The following PRKCQ variants were observed in gnomAD, a reference collection of about 807,000 sequenced individuals.
PRKCQ encodes protein kinase C theta.
A neutral mutation model predicts 91.2 loss-of-function variants in PRKCQ; 41 were observed. That is an observed-to-expected ratio of 0.45 (90% CI 0.35 to 0.58). The LOEUF (loss-of-function observed/expected upper bound fraction) is 0.58, where lower values mean the gene tolerates loss of function less well. Among genes scored for constraint, PRKCQ ranks in the 20% least tolerant of loss-of-function variants. The probability of loss-of-function intolerance (pLI) is 0.00; values close to 1 mark genes in which losing one functional copy is unlikely to be tolerated. For synonymous variants in PRKCQ, 307 were observed against 316.9 expected (o/e 0.97, Z 0.33); for missense variants, 673 against 896.5 (o/e 0.75, Z 3.18).
intron 11 of PRKCQ, among the ~76,000 whole-genome samples, chr10:6,481,214 T>C (rs901576759): frequency 6.6e-6 from 1 of 152,208 alleles, no homozygotes; most frequent in Non-Finnish European, 1.5e-5. Flanking sequence ...CTAAGGCTTG[T>C]AGGTTTAACT....
chr10:6,459,076 T>C (rs574052231), intron 14 of PRKCQ, among the ~76,000 whole-genome samples: 2 of 152,312 alleles, frequency 1.3e-5, no homozygotes, highest in Admixed American at 1.3e-4. Context: ...ACCTGTTGAA[T>C]ATTCCTCCAT....
At chr10:6,503,104 T>A (rs976595062) in intron 4 of PRKCQ, among the ~76,000 whole-genome samples, 1 of 152,156 alleles carries the variant, frequency 6.6e-6, no homozygotes. Context: ...AAAGGGGAAC[T>A]AATGAGAGCA....
chr10:6,536,299 T>G (rs1022969112), intron 1 of PRKCQ, among the ~76,000 whole-genome samples: 21 of 152,116 alleles, frequency 1.4e-4, no homozygotes, highest in African/African-American at 5.1e-4. Context: ...GGCTGGAACA[T>G]GGATGTGATG....
chr10:6,557,058 T>C (rs1000616396), intron 1 of PRKCQ, among the ~76,000 whole-genome samples: 14 of 152,208 alleles, frequency 9.2e-5, no homozygotes, highest in African/African-American at 3.1e-4. Flanking sequence ...GATTTCTGCC[T>C]GTCTCCCACT....
At chr10:6,413,537 G>GCACACACA in the PRKCQ span, among the ~76,000 whole-genome samples, 319 of 56,976 alleles carry the variant, frequency 5.6e-3, 87 homozygotes, top group Non-Finnish European at 6.2e-3. Context: ...TGCCACTTGT[G>GCACACACA]CACACACACA....
chr10:6,518,334 G>C (rs893851262), intron 1 of PRKCQ, among the ~76,000 whole-genome samples: 1 of 152,102 alleles, frequency 6.6e-6, no homozygotes, highest in Non-Finnish European at 1.5e-5. Context: ...TTACTAAAGG[G>C]AAATGATCAG....
At chr10:6,447,636 C>T (rs775151830) in intron 15 of PRKCQ, among the ~76,000 whole-genome samples, 1 of 152,130 alleles carries the variant, frequency 6.6e-6, no homozygotes, top group Non-Finnish European at 1.5e-5. Flanking sequence ...TAGCTCCTGA[C>T]TCTGCTACGA....
intron 1 of PRKCQ, among the ~76,000 whole-genome samples, chr10:6,572,117 A>G (rs2130978315): frequency 6.6e-6 from 1 of 152,306 alleles, no homozygotes; most frequent in Admixed American, 6.5e-5. Context: ...ATGACCAACG[A>G]CTGCCTTCCC....
At chr10:6,536,513 G>GA (rs1177473773) in intron 1 of PRKCQ, among the ~76,000 whole-genome samples, 2 of 152,170 alleles carry the variant, frequency 1.3e-5, no homozygotes, top group Non-Finnish European at 2.9e-5. Context: ...GGCTATAACT[G>GA]AAAACATGTT....
In PRKCQ at chr10:6,479,178, GGAA is replaced by G; in HGVS notation, c.1180-16_1180-14del. ...CTGCCAGGAAGACCTAGAAGGAGAG[GGAA>G]GAAGTAACTTTATTTTAGAATTTGG... On this transcript the variant is annotated splice_polypyrimidine_tract_variant and intron_variant, in intron 11 of 17. Transcript: ENST00000263125. 6.2e-7 allele frequency: 1 copy of G among 1,611,612 alleles called. No individual in the cohort carries two copies. Among genetic ancestry groups the G allele is most frequent in the Non-Finnish European group, 8.5e-7 (1 of 1,178,650 alleles).
intron 1 of PRKCQ, among the ~76,000 whole-genome samples, chr10:6,532,206 A>G (rs533591572): frequency 3.9e-5 from 6 of 152,362 alleles, no homozygotes; most frequent in East Asian, 1.9e-4. Flanking sequence ...CTGGCATTCA[A>G]TCAGCCAGTG....
rs1276511260 is a variant in PRKCQ, at chr10:6,497,208, C to T, written c.574+12G>A. On this transcript the variant is annotated intron_variant, in intron 6 of 17. Coordinates refer to ENST00000263125, the MANE Select transcript of PRKCQ (RefSeq NM_006257.5). The surrounding 1 kb of genome is among the most constrained non-coding windows in gnomAD (Gnocchi z 4.5). ...AGAATGATGGTAATGCAACCAAAAC[C>T]CTCTTACTTACGTCGGCACTGGTAG... 1.9e-6 allele frequency: 3 copies of T among 1,614,108 alleles called. No homozygotes were observed. Among genetic ancestry groups the T allele is most frequent in the Non-Finnish European group, 8.5e-7 (1 of 1,180,000 alleles).
intron 4 of PRKCQ, among the ~76,000 whole-genome samples, chr10:6,500,921 T>C (rs775625718): frequency 4.6e-5 from 7 of 151,860 alleles, no homozygotes; most frequent in Non-Finnish European, 8.8e-5. Flanking sequence ...TAAGAGGCAA[T>C]ATATGATGGT....
the PRKCQ span, among the ~76,000 whole-genome samples, chr10:6,399,196 C>T: frequency 6.6e-6 from 1 of 152,268 alleles, no homozygotes; most frequent in Admixed American, 6.5e-5. Context: ...CATAGTGTCC[C>T]CACAAGTAAA....
downstream of PRKCQ, among the ~76,000 whole-genome samples, chr10:6,424,626 T>C (rs1439958397): frequency 6.6e-6 from 1 of 152,198 alleles, no homozygotes; most frequent in Non-Finnish European, 1.5e-5. Flanking sequence ...ATGGGTCCAT[T>C]GGAGACAGAG....
the PRKCQ span, among the ~76,000 whole-genome samples, chr10:6,416,937 T>C: frequency 3.3e-5 from 5 of 152,212 alleles, 1 homozygote; most frequent in Admixed American, 3.3e-4. Flanking sequence ...TGATTCTTCT[T>C]CTTATTTCAC....
rs538176471 is a variant in PRKCQ at position 6,471,509 on chromosome 10, G to A, written c.1354-7105C>T. ...TGTGATCCCAGCACTTTGGGAGGCC[G>A]AGGTGGGTGGATCACTTGAGGTCAG... On this transcript the variant is annotated intron_variant, in intron 12 of 17. Coordinates refer to ENST00000263125, the MANE Select transcript of PRKCQ (RefSeq NM_006257.5). Among the ~76,000 whole-genome samples, 20 of 152,316 alleles carry A rather than the reference G, an allele frequency of 1.3e-4. No individual in the cohort carries two copies. The South Asian group carries it at 2.5e-3, about 19-fold the overall frequency.
At chr10:6,429,598 A>C (rs1364653564) in intron 17 of PRKCQ, among the ~76,000 whole-genome samples, 1 of 152,188 alleles carries the variant, frequency 6.6e-6, no homozygotes, top group Non-Finnish European at 1.5e-5. Context: ...GCCCATGTCT[A>C]TCCAGGCAAT....
chr10:6,527,330 A>G (rs1839234678), intron 1 of PRKCQ, among the ~76,000 whole-genome samples: 1 of 152,190 alleles, frequency 6.6e-6, no homozygotes, highest in South Asian at 2.1e-4. Flanking sequence ...TTCCATATCT[A>G]GAAAACAGCA....
Sources: allele counts gnomAD v4.1 joint callset (sites outside exome capture counted in the v4.1 genomes callset), GRCh38; gene constraint gnomAD v4.1.1; non-coding constraint Gnocchi (gnomAD v3.1); transcripts MANE v1.5; gene names NCBI Gene and HGNC (gene_info 2026-07-23, HGNC 2026-07-21).